Variants in GAB1 observed in about 807,000 individuals in gnomAD.
GAB1 encodes GRB2 associated binding protein 1, also known as GRB2-associated-binding protein 1.
Under a neutral mutation model 66.5 loss-of-function variants are expected in GAB1, and 19 were observed. The observed-to-expected ratio is 0.29, with a 90% CI of 0.20 to 0.42. The LOEUF is 0.42. Ranked by LOEUF, GAB1 falls within the 10% of genes least tolerant of loss-of-function variation. The probability of loss-of-function intolerance (pLI) is 1.00; values close to 1 mark genes in which losing one functional copy is unlikely to be tolerated. For missense variants in GAB1, 732 were observed against 858.5 expected (o/e 0.85, Z 1.84); for synonymous variants, 294 against 301.4 (o/e 0.98, Z 0.25).
intron 1 of GAB1, among the ~76,000 whole-genome samples, chr4:143,378,632 T>TCTCTCTC (rs1491047923): frequency 3.3e-5 from 1 of 30,708 alleles, no homozygotes; most frequent in Non-Finnish European, 8.2e-5. Context: ...CCAAAGTGTC[T>TCTCTCTC]CTCTCTCTCT....
intron 4 of GAB1, chr4:143,439,515 G>A (rs1734111013): frequency 3.0e-6 from 1 of 337,908 alleles, no homozygotes; most frequent in South Asian, 4.7e-5. Context: ...AGAAAATAGA[G>A]GTGTTTCTCT....
intron 1 of GAB1, among the ~76,000 whole-genome samples, chr4:143,355,642 A>G (rs1301763466): frequency 3.9e-5 from 6 of 152,110 alleles, no homozygotes; most frequent in Non-Finnish European, 8.8e-5. Context: ...GCTCCTTCAC[A>G]GTAGTAGGAA....
chr4:143,431,718 C>T (rs1052911490), intron 2 of GAB1, among the ~76,000 whole-genome samples: 1 of 152,108 alleles, frequency 6.6e-6, no homozygotes, highest in African/African-American at 2.4e-5. Flanking sequence ...GGAGGCTAAA[C>T]AAAGCATTGC....
intron 8 of GAB1, among the ~76,000 whole-genome samples, chr4:143,464,176 T>C (rs919641264): frequency 2.0e-5 from 3 of 152,164 alleles, no homozygotes; most frequent in African/African-American, 4.8e-5. Context: ...CTATTTATAT[T>C]GAGGACCAAA....
chr4:143,409,155 G>A (rs921945357), intron 1 of GAB1, among the ~76,000 whole-genome samples: 3 of 152,186 alleles, frequency 2.0e-5, no homozygotes, highest in Non-Finnish European at 2.9e-5. Flanking sequence ...GGAAGTTGAG[G>A]AAAGCTTTAA....
chr4:143,379,017 C>T (rs1730542491), intron 1 of GAB1, among the ~76,000 whole-genome samples: 1 of 152,090 alleles, frequency 6.6e-6, no homozygotes, highest in African/African-American at 2.4e-5. Context: ...GGCCAAATCC[C>T]CCAAACCCGA....
intron 6 of GAB1, among the ~76,000 whole-genome samples, chr4:143,444,456 G>T (rs962686406): frequency 6.6e-6 from 1 of 152,124 alleles, no homozygotes; most frequent in Non-Finnish European, 1.5e-5. Flanking sequence ...TTAATATTGT[G>T]TGGGGAGCAT....
At chr4:143,366,747 A>G (rs953372257) in intron 1 of GAB1, among the ~76,000 whole-genome samples, 2 of 152,170 alleles carry the variant, frequency 1.3e-5, no homozygotes, top group Non-Finnish European at 2.9e-5. Context: ...ATTTTGAGAC[A>G]TGGTCTGGCT....
In GAB1 at chr4:143,469,195, T is replaced by C; in HGVS notation, c.*6T>C. On this transcript the variant is annotated 3_prime_UTR_variant, in exon 10 of 10. Coordinates refer to ENST00000262994, the MANE Select transcript of GAB1 (RefSeq NM_002039.4). ...CAGCGAAGAGTGTGAAATGAAAATA[T>C]TGCCTTGCCATTTCTGAACAAAAGA... 1 of 1,613,580 alleles carries C rather than the reference T, an allele frequency of 6.2e-7. No homozygotes were observed. The highest frequency in any genetic ancestry group is 8.5e-7 in the Non-Finnish European group (1 of 1,179,772).
intron 2 of GAB1, among the ~76,000 whole-genome samples, chr4:143,429,810 C>A (rs939481788): frequency 5.3e-5 from 8 of 151,910 alleles, no homozygotes; most frequent in African/African-American, 1.9e-4. Context: ...TGCAAACAAC[C>A]ATATTGCTAT....
intron 1 of GAB1, among the ~76,000 whole-genome samples, chr4:143,354,639 A>G (rs1729368285): frequency 1.3e-5 from 2 of 152,294 alleles, no homozygotes; most frequent in South Asian, 4.1e-4. Flanking sequence ...ACTATAATAT[A>G]CATATTTGAC....
intron 1 of GAB1, among the ~76,000 whole-genome samples, chr4:143,373,540 T>C (rs994312046): frequency 6.6e-6 from 1 of 151,988 alleles, no homozygotes; most frequent in Non-Finnish European, 1.5e-5. Flanking sequence ...ACAAAAAACA[T>C]ACTAGAAGCC....
chr4:143,375,608 T>G (rs1730379907), intron 1 of GAB1, among the ~76,000 whole-genome samples: 5 of 152,226 alleles, frequency 3.3e-5, no homozygotes, highest in Admixed American at 3.3e-4. Context: ...TTCTGCTTCC[T>G]TTTTAGGAGT....
chr4:143,370,676 C>T (rs182016378), intron 1 of GAB1, among the ~76,000 whole-genome samples: 39 of 152,226 alleles, frequency 2.6e-4, no homozygotes, highest in Non-Finnish European at 5.1e-4. Flanking sequence ...TTAGGTATAT[C>T]TCCTAATGCT....
In GAB1 at chr4:143,404,748, G is replaced by A. The variant is rs1731954153; in HGVS notation, c.73-10729G>A. On this transcript the variant is annotated intron_variant, in intron 1 of 9. Transcript: ENST00000262994. ...CTGAGCAACAGAGCGAGACACTGTT[G>A]CAAAACTGAAAACAAAACAACTGCA... Among the ~76,000 whole-genome samples, 4 of 152,190 alleles carry A rather than the reference G, an allele frequency of 2.6e-5. No individual in the cohort carries two copies. In the South Asian group the frequency reaches 8.3e-4, roughly 32 times the overall value.
intron 1 of GAB1, among the ~76,000 whole-genome samples, chr4:143,403,845 T>C (rs926458895): frequency 6.6e-6 from 1 of 152,234 alleles, no homozygotes; most frequent in Non-Finnish European, 1.5e-5. Context: ...AAGGATGTCT[T>C]TCTAAAGAAA....
chr4:143,408,656 C>T (rs1379184709), intron 1 of GAB1, among the ~76,000 whole-genome samples: 3 of 150,656 alleles, frequency 2.0e-5, no homozygotes, highest in African/African-American at 7.3e-5. Flanking sequence ...TGACCATTAT[C>T]CTGCTGATAA....
intron 1 of GAB1, among the ~76,000 whole-genome samples, chr4:143,343,141 A>G (rs1728878860): frequency 6.6e-6 from 1 of 151,990 alleles, no homozygotes; most frequent in Non-Finnish European, 1.5e-5. Flanking sequence ...CAGTTTCCTT[A>G]CCTGTAAAAT....
intron 1 of GAB1, chr4:143,395,736 G>A (rs1041595124): frequency 1.8e-5 from 6 of 335,918 alleles, no homozygotes; most frequent in Non-Finnish European, 3.5e-5. Context: ...TTTTAAATGA[G>A]GTGAATTATA....
Sources: gnomAD v4.1 joint callset for allele counts (sites outside exome capture counted in the v4.1 genomes callset) on GRCh38, gnomAD v4.1.1 for gene constraint, MANE v1.5 for transcripts, NCBI Gene and HGNC (gene_info 2026-07-23, HGNC 2026-07-21) for gene names.